The following RBL1 variants were observed in gnomAD, a reference collection of about 807,000 sequenced individuals.
The protein encoded by RBL1 is retinoblastoma-like protein 1.
In RBL1, 82 loss-of-function variants were observed where a neutral mutation model predicts 123.0. The ratio of observed to expected loss-of-function variants is 0.67; its 90% confidence interval spans 0.56 to 0.80. The LOEUF (loss-of-function observed/expected upper bound fraction) is 0.80. Among genes scored for constraint, RBL1 ranks in the 30% least tolerant of loss-of-function variants. The probability of loss-of-function intolerance (pLI) is 0.00; values close to 1 mark genes in which losing one functional copy is unlikely to be tolerated. For missense variants in RBL1, 1,171 were observed against 1,299.6 expected (o/e 0.90, Z 1.52); for synonymous variants, 405 against 441.3 (o/e 0.92, Z 1.03).
chr20:37,007,606 T>C, intron 19 of RBL1, 47 bp from the exon 20 acceptor site: 1 of 1,589,282 alleles, frequency 6.3e-7, no homozygotes. Context: ...ACTTTTTATT[T>C]TTTTGAGACA....
intron 9 of RBL1, 90 bp from the exon 10 acceptor site, chr20:37,056,348 C>CTT: frequency 1.1e-6 from 1 of 950,476 alleles, no homozygotes; most frequent in Non-Finnish European, 1.4e-6. Flanking sequence ...ATGCCTTCTT[C>CTT]TTCTTTTTTT....
At chr20:37,006,071 G>GT (rs974345395) in intron 20 of RBL1, among the ~76,000 whole-genome samples, 172 of 142,644 alleles carry the variant, frequency 1.2e-3, no homozygotes, top group Middle Eastern at 3.6e-3. Context: ...CTAGTTTTTA[G>GT]TTTTTTTTTT....
At chr20:37,095,734 C>A (rs766586780) in intron 1 of RBL1, 39 bp downstream of exon 1, 4 of 1,523,700 alleles carry the variant, frequency 2.6e-6, no homozygotes, top group South Asian at 1.3e-5. Context: ...TGGGGCCTGG[C>A]GAGGGTAGGG....
intron 2 of RBL1, among the ~76,000 whole-genome samples, chr20:37,087,549 T>G (rs1307437205): frequency 6.6e-6 from 1 of 152,162 alleles, no homozygotes; most frequent in Non-Finnish European, 1.5e-5. Context: ...AAGGTGCCAC[T>G]GCACTCGAGG....
chr20:37,035,518 A>T lies in RBL1; in HGVS notation c.1904-10T>A. ...GACAATGGTTGCATATCTAAAAAAA[A>T]ATAATAAATTTAAAACAGAAATGTA... On this transcript the variant is annotated splice_polypyrimidine_tract_variant and intron_variant, in intron 14 of 21. Transcript: ENST00000373664. The T allele has an allele frequency of 6.5e-7, 1 of 1,537,802 alleles. No homozygotes were observed. The highest frequency in any genetic ancestry group is 1.2e-5 in the South Asian group (1 of 80,606).
At chr20:37,068,783 C>CT (rs2065225535) in intron 2 of RBL1, among the ~76,000 whole-genome samples, 1 of 152,214 alleles carries the variant, frequency 6.6e-6, no homozygotes, top group African/African-American at 2.4e-5. Flanking sequence ...AAGACACAGC[C>CT]TGAGCAACAT....
intron 19 of RBL1, among the ~76,000 whole-genome samples, chr20:37,010,060 T>G (rs879690568): frequency 1.1e-4 from 16 of 151,570 alleles, no homozygotes; most frequent in Non-Finnish European, 1.9e-4. Flanking sequence ...AAAAAGACAT[T>G]TAAAAAAACA....
intron 16 of RBL1, among the ~76,000 whole-genome samples, chr20:37,024,982 C>G (rs778906732): frequency 6.6e-6 from 1 of 152,174 alleles, no homozygotes; most frequent in Non-Finnish European, 1.5e-5. Flanking sequence ...TTTGTTTATA[C>G]TTCTGAAGAC....
intron 2 of RBL1, among the ~76,000 whole-genome samples, chr20:37,080,163 G>T (rs1351931476): frequency 1.3e-5 from 2 of 150,888 alleles, no homozygotes; most frequent in African/African-American, 2.4e-5. Context: ...TTATTTATTT[G>T]ATTTTATTTT....
intron 2 of RBL1, among the ~76,000 whole-genome samples, chr20:37,068,832 GCTCTCCCTCTCCCTCTCCCCACGGTCTCC>G (rs1039965590): frequency 2.0e-5 from 3 of 152,078 alleles, no homozygotes; most frequent in Admixed American, 1.3e-4. Flanking sequence ...AAAATTAGGA[GCTCTCCCTCTCCCTCTCCCCACGGTCTCC>G]CTCTCCCTCT....
intron 2 of RBL1, among the ~76,000 whole-genome samples, chr20:37,073,093 C>A (rs888153763): frequency 2.0e-5 from 3 of 151,994 alleles, no homozygotes; most frequent in African/African-American, 7.3e-5. Flanking sequence ...GTAGCTGGGA[C>A]CACAGGTATG....
rs2065086134 is a variant in RBL1, at chr20:37,061,108, A to T, written c.1245T>A (p.Ile415=). Residue 415 remains isoleucine (I), a synonymous_variant, in exon 9 of 22, where the codon ATT becomes ATA. Transcript: ENST00000373664. ...KNAPSDQLIN[I]FESCVRNPVE... ...AATAACAGTATTGTACATACTCAAA[A>T]ATATTTATAAGTTGGTCACTTGGTG... 6.2e-7 allele frequency: 1 copy of T among 1,603,468 alleles called. No individual in the cohort carries two copies. Among genetic ancestry groups the T allele is most frequent in the Non-Finnish European group, 8.5e-7 (1 of 1,174,706 alleles).
rs544397507 is a variant in RBL1, at chr20:37,089,093, T to C, written c.186A>G (p.Ser62=). 3 of 1,610,904 alleles carry C rather than the reference T, an allele frequency of 1.9e-6. No homozygotes were observed. Among genetic ancestry groups the C allele is most frequent in the East Asian group, 2.2e-5 (1 of 44,694 alleles). The change falls in exon 2 of 22, where the codon TCA becomes TCG. Residue 62 remains serine, a synonymous_variant. Transcript: ENST00000373664. ...EGEVTHWLAC[S]LYVACRKSII... ...TGCTTTTGCGGCATGCAACATATAA[T>C]GAACATGCCAACCAGTGTGTAACTT...
At position 37,061,111 on chromosome 20, in the gene RBL1, A is replaced by C; in HGVS notation, c.1242T>G (p.Asn414Lys). 6.2e-7 allele frequency: 1 copy of C among 1,605,054 alleles called. No individual in the cohort carries two copies. The highest frequency in any genetic ancestry group is 8.5e-7 in the Non-Finnish European group (1 of 1,175,602). ...AACAGTATTGTACATACTCAAAAATATTTATAAGTTGGTCACTTGGTGCAT... is the reference window on the plus strand; with the variant it reads ...AACAGTATTGTACATACTCAAAAATCTTTATAAGTTGGTCACTTGGTGCAT... ...LKNAPSDQLI[N>K]IFESCVRNPV... Residue 414 changes from asparagine (N) to lysine (K), a missense_variant, in exon 9 of 22, where the codon AAT (asparagine) becomes AAG (lysine). Coordinates refer to ENST00000373664, the MANE Select transcript of RBL1 (RefSeq NM_002895.5).
intron 21 of RBL1, among the ~76,000 whole-genome samples, chr20:36,999,790 A>G (rs1295032563): frequency 2.6e-4 from 39 of 152,206 alleles, no homozygotes; most frequent in Non-Finnish European, 2.9e-5. Context: ...GCGTTTACTC[A>G]GTGCTCAATG....
chr20:37,049,769 A>G, intron 11 of RBL1: 2 of 518,584 alleles, frequency 3.9e-6, no homozygotes, highest in Non-Finnish European at 6.8e-6. Flanking sequence ...TATTTTTTAG[A>G]GAGAGAAAAA....
chr20:37,043,951 C>A, intron 13 of RBL1, 135 bp downstream of exon 13: 1 of 586,030 alleles, frequency 1.7e-6, no homozygotes, highest in Non-Finnish European at 2.7e-6. Flanking sequence ...CTGCACATAT[C>A]TATTTATATA....
chr20:37,021,478 T>G (rs1229169858), intron 17 of RBL1, among the ~76,000 whole-genome samples: 1 of 151,772 alleles, frequency 6.6e-6, no homozygotes, highest in African/African-American at 2.4e-5. Context: ...AGAGTCTCAG[T>G]CTGTCATCCA....
At chr20:37,018,224 T>C (rs577865731) in intron 19 of RBL1, 55 bp downstream of exon 19, 1 of 1,516,874 alleles carries the variant, frequency 6.6e-7, no homozygotes, top group South Asian at 1.3e-5. Flanking sequence ...CACTGTATTA[T>C]GTACAGTGTG....
Sources: gnomAD v4.1 joint callset for allele counts (sites outside exome capture counted in the v4.1 genomes callset) on GRCh38, gnomAD v4.1.1 for gene constraint, MANE v1.5 for transcripts, NCBI Gene and HGNC (gene_info 2026-07-23, HGNC 2026-07-21) for gene names.